The following TNRC6C variants were observed in gnomAD, a reference collection of about 807,000 sequenced individuals.
TNRC6C encodes the protein trinucleotide repeat containing adaptor 6C, also known as trinucleotide repeat-containing gene 6C protein.
TNRC6C carries 20 observed loss-of-function variants against 153.7 expected under a neutral mutation model. The observed-to-expected ratio is 0.13, with a 90% CI of 0.09 to 0.19. The LOEUF (loss-of-function observed/expected upper bound fraction) is 0.19. Ranked by LOEUF, TNRC6C falls within the 10% of genes least tolerant of loss-of-function variation. The probability of loss-of-function intolerance (pLI) is 1.00; values close to 1 mark genes in which losing one functional copy is unlikely to be tolerated. For synonymous variants in TNRC6C, 811 were observed against 841.4 expected, an observed-to-expected ratio of 0.96 and a Z score of 0.63; for missense variants, 1,987 against 2,172.0, an observed-to-expected ratio of 0.91 and a Z score of 1.69.
exon 3 of TNRC6C, chr17:78,051,339 TACCACCACCACC>T: frequency 6.5e-7 from 1 of 1,550,342 alleles, no homozygotes; most frequent in Non-Finnish European, 8.7e-7. Context: ...CCACGACCAA[TACCACCACCACC>T]ACCACCACTA....
intron 1 of TNRC6C, among the ~76,000 whole-genome samples, chr17:78,019,340 A>G (rs1211976084): frequency 6.6e-6 from 1 of 152,228 alleles, no homozygotes; most frequent in Non-Finnish European, 1.5e-5. Flanking sequence ...AGCTCTTTCA[A>G]AATCAAGTTC....
At chr17:78,086,932 AGCCACCACC>A (rs1316620145) in exon 13 of TNRC6C, 1 of 1,612,624 alleles carries the variant, frequency 6.2e-7, no homozygotes, top group Admixed American at 1.7e-5. Flanking sequence ...CTCGTGAAGC[AGCCACCACC>A]GCCACCGCCC....
upstream of TNRC6C, among the ~76,000 whole-genome samples, chr17:78,001,300 A>G (rs916253469): frequency 2.0e-5 from 3 of 152,342 alleles, no homozygotes; most frequent in South Asian, 2.1e-4. Context: ...TGGCCCTTCA[A>G]ACTTGCTCTG....
chr17:78,104,228 C>T lies in TNRC6C; in HGVS notation c.4713-257C>T, dbSNP rs915047581. ...TGTTTTTAGCCCAGGATGCAAATGA[C>T]ACTGACCCTAAACGAGCCCACATTT... is the stretch of plus-strand genomic sequence containing the variant. On this transcript the variant is annotated intron_variant, in intron 19 of 19. Transcript: ENST00000301624. This position sits in a 1 kb window ranked among gnomAD's most constrained non-coding sequence, Gnocchi z 6.2. Among the ~76,000 whole-genome samples the T allele has an allele frequency of 6.6e-6, 1 of 152,242 alleles. No individual in the cohort carries two copies. The highest frequency in any genetic ancestry group is 1.5e-5 in the Non-Finnish European group (1 of 68,038).
chr17:78,065,122 G>T (rs1421180806), intron 4 of TNRC6C, among the ~76,000 whole-genome samples, 185 bp downstream of exon 6: 1 of 152,192 alleles, frequency 6.6e-6, no homozygotes, highest in Non-Finnish European at 1.5e-5. Flanking sequence ...TCCAGGGCAG[G>T]AGGATCGCTT....
At chr17:78,081,273 C>G (rs998430456) in intron 10 of TNRC6C, among the ~76,000 whole-genome samples, 1 of 151,924 alleles carries the variant, frequency 6.6e-6, no homozygotes, top group South Asian at 2.1e-4. Context: ...CATAGGAATT[C>G]TCGGGGGACG....
intron 1 of TNRC6C, among the ~76,000 whole-genome samples, chr17:78,025,416 G>T (rs2071921873): frequency 6.6e-6 from 1 of 152,112 alleles, no homozygotes. Context: ...ATGTTTTCAT[G>T]ACTTGATAAC....
intron 2 of TNRC6C, among the ~76,000 whole-genome samples, chr17:78,042,755 G>A (rs1341964681): frequency 6.6e-6 from 1 of 151,898 alleles, no homozygotes; most frequent in African/African-American, 2.4e-5. Context: ...CATGATGCTG[G>A]TGGTGATCAT....
At chr17:77,994,628 A>C (rs968915232) in intron 1 of TNRC6C, among the ~76,000 whole-genome samples, 2 of 152,178 alleles carry the variant, frequency 1.3e-5, no homozygotes, top group Non-Finnish European at 2.9e-5. Flanking sequence ...TGACAGACCA[A>C]CGCTTATATG....
At chr17:78,073,487 C>G (rs1172246563) in intron 7 of TNRC6C, among the ~76,000 whole-genome samples, 1 of 152,204 alleles carries the variant, frequency 6.6e-6, no homozygotes, top group Non-Finnish European at 1.5e-5. Context: ...TGGCTGAGCA[C>G]CAACTGTTGT....
chr17:78,006,214 A>G (rs1420825703), intron 1 of TNRC6C, among the ~76,000 whole-genome samples: 1 of 152,240 alleles, frequency 6.6e-6, no homozygotes, highest in African/African-American at 2.4e-5. Context: ...GAGGGAGTCC[A>G]GGTCTCTGAA....
At chr17:77,967,701 A>G (rs2070909007) in intron 1 of TNRC6C, among the ~76,000 whole-genome samples, 1 of 152,210 alleles carries the variant, frequency 6.6e-6, no homozygotes, top group Non-Finnish European at 1.5e-5. Flanking sequence ...ATGCACAACA[A>G]AATTGTAGGT....
At chr17:78,053,088 C>T (rs989702155) in intron 3 of TNRC6C, among the ~76,000 whole-genome samples, 1 of 152,108 alleles carries the variant, frequency 6.6e-6, no homozygotes, top group African/African-American at 2.4e-5. Context: ...TACCATGTCA[C>T]GTTGCCCCCC....
chr17:77,961,859 GCCA>G (rs1410125199), intron 1 of TNRC6C, among the ~76,000 whole-genome samples: 1 of 152,124 alleles, frequency 6.6e-6, no homozygotes, highest in Non-Finnish European at 1.5e-5. Context: ...CACCGCTACC[GCCA>G]CCTTTTTGTT....
intron 3 of TNRC6C, among the ~76,000 whole-genome samples, chr17:78,054,667 C>CTACTGGAGACTACTGCAT (rs2072611447): frequency 6.6e-6 from 1 of 151,412 alleles, no homozygotes; most frequent in Non-Finnish European, 1.5e-5. Context: ...GACTACTGTA[C>CTACTGGAGACTACTGCAT]GCTACTGGAG....
At chr17:78,000,376 T>C (rs1239628214), upstream of TNRC6C, among the ~76,000 whole-genome samples, 8 of 152,202 alleles carry the variant, frequency 5.3e-5, no homozygotes, top group Non-Finnish European at 1.2e-4. Context: ...CCCACAAAAG[T>C]CTAGCAAATA....
chr17:78,091,408 C>T (rs993699709), intron 13 of TNRC6C, 32 bp from the exon 16 acceptor site: 2 of 1,534,490 alleles, frequency 1.3e-6, no homozygotes, highest in Non-Finnish European at 1.8e-6. Context: ...TTTAGAGGAG[C>T]AGGCGAATCC....
exon 6 of TNRC6C, chr17:78,071,162 C>A: frequency 6.2e-7 from 1 of 1,601,192 alleles, no homozygotes; most frequent in Non-Finnish European, 8.5e-7. Flanking sequence ...ACATGGGCTT[C>A]CCGGTAACTG....
Position 78,104,805 on chromosome 17 carries a change from C to T in TNRC6C, c.5033C>T (p.Thr1678Ile). 7.0e-7 allele frequency: 1 copy of T among 1,438,676 alleles called. No individual in the cohort carries two copies. The highest frequency in any genetic ancestry group is 9.1e-7 in the Non-Finnish European group (1 of 1,096,338). 89.1% of individuals were successfully genotyped at this position (1,438,676 alleles called of 1,614,324 possible). The change falls in exon 20 of 20, where the codon ACC (threonine) becomes ATC (isoleucine). Residue 1678 changes from threonine (T) to isoleucine (I), a missense_variant. Transcript: ENST00000301624. This position sits in a 1 kb window ranked among gnomAD's most constrained non-coding sequence, Gnocchi z 6.2. ...ATAGGCAGCCCCACGCCGCTAACCACCCTGCTGCCTGGGGACCTGCTCAGC... is the reference window on the plus strand; with the variant it reads ...ATAGGCAGCCCCACGCCGCTAACCATCCTGCTGCCTGGGGACCTGCTCAGC...
Sources: gnomAD v4.1 joint callset for allele counts (sites outside exome capture counted in the v4.1 genomes callset) on GRCh38, gnomAD v4.1.1 for gene constraint, Gnocchi (gnomAD v3.1) non-coding constraint, MANE v1.5 for transcripts, NCBI Gene and HGNC (gene_info 2026-07-23, HGNC 2026-07-21) for gene names.